Variants in GNAO1 observed in about 807,000 individuals in gnomAD.
GNAO1 encodes guanine nucleotide-binding protein G(o) subunit alpha.
For synonymous variants in GNAO1, 164 were observed against 180.7 expected (o/e 0.91, Z 0.74); for missense variants, 166 against 478.7 (o/e 0.35, Z 6.10).
chr16:56,299,821 G>A (rs1351097427), intron 3 of GNAO1, among the ~76,000 whole-genome samples: 2 of 152,148 alleles, frequency 1.3e-5, no homozygotes, highest in African/African-American at 4.8e-5. Flanking sequence ...CACTCTGCCT[G>A]GCTTATTACT....
intron 6 of GNAO1, among the ~76,000 whole-genome samples, chr16:56,350,473 G>A (rs568647750): frequency 3.9e-5 from 6 of 152,320 alleles, no homozygotes; most frequent in South Asian, 4.1e-4. Context: ...TGAGCTCAGC[G>A]CCCCAAAGCA....
intron 3 of GNAO1, among the ~76,000 whole-genome samples, chr16:56,285,831 G>T (rs1219446585): frequency 6.6e-6 from 1 of 152,214 alleles, no homozygotes; most frequent in Non-Finnish European, 1.5e-5. Flanking sequence ...CCTGTGCTGA[G>T]CACTGTAGCT....
chr16:56,196,168 G>A (rs1332850178), intron 2 of GNAO1, among the ~76,000 whole-genome samples: 1 of 151,966 alleles, frequency 6.6e-6, no homozygotes, highest in African/African-American at 2.4e-5. Context: ...TTGTGAATTC[G>A]TGTGAGGGAG....
intron 2 of GNAO1, among the ~76,000 whole-genome samples, chr16:56,202,649 G>A (rs1478475): frequency 0.082 from 12,539 of 152,256 alleles, 578 homozygotes; most frequent in African/African-American, 0.11. Flanking sequence ...CAGTAAGGAT[G>A]GGAAGTCTGT....
chr16:56,350,976 CAT>C (rs1418621453), intron 6 of GNAO1, among the ~76,000 whole-genome samples: 3 of 151,996 alleles, frequency 2.0e-5, no homozygotes, highest in African/African-American at 4.8e-5. Context: ...GGTGCACACA[CAT>C]AGGCACACAT....
At chr16:56,286,654 GTCTC>G (rs142417530) in intron 3 of GNAO1, among the ~76,000 whole-genome samples, 3 of 150,808 alleles carry the variant, frequency 2.0e-5, no homozygotes, top group Non-Finnish European at 3.0e-5. Context: ...AGTCCTGCAA[GTCTC>G]TCTCTCTCTC....
intron 3 of GNAO1, among the ~76,000 whole-genome samples, chr16:56,327,757 C>T (rs756699610): frequency 2.0e-5 from 3 of 151,954 alleles, no homozygotes; most frequent in Non-Finnish European, 4.4e-5. Flanking sequence ...TCAGCCTACA[C>T]GTGTGCACCT....
chr16:56,342,592 G>C (rs16956364), intron 6 of GNAO1, among the ~76,000 whole-genome samples: 1 of 152,202 alleles, frequency 6.6e-6, no homozygotes, highest in Non-Finnish European at 1.5e-5. Flanking sequence ...TGAGCCAGGC[G>C]GTTGTTAATC....
intron 2 of GNAO1, among the ~76,000 whole-genome samples, chr16:56,194,744 C>A (rs528397451): frequency 1.3e-5 from 2 of 152,336 alleles, no homozygotes; most frequent in South Asian, 4.1e-4. Context: ...TCCGCCAAAG[C>A]AACTGCTTTT....
At chr16:56,273,034 C>T (rs1463181370) in intron 2 of GNAO1, among the ~76,000 whole-genome samples, 6 of 152,178 alleles carry the variant, frequency 3.9e-5, no homozygotes, top group East Asian at 1.9e-4. Context: ...TTAGTATTTA[C>T]GCTAGAGTTT....
intron 3 of GNAO1, among the ~76,000 whole-genome samples, chr16:56,310,222 C>A (rs1244716071): frequency 3.3e-5 from 5 of 151,986 alleles, no homozygotes; most frequent in Non-Finnish European, 7.4e-5. Flanking sequence ...TAGGTACTCG[C>A]AGGAGGCTGA....
rs1349086204 is a variant in GNAO1, at chr16:56,356,972, G to C, written c.*898G>C. On this transcript the variant is annotated 3_prime_UTR_variant, in exon 9 of 9. Transcript: ENST00000262493. ...CCTCCCCACCCCTGCCTTTGTTTCG[G>C]TGCCCTGTGTCCGCTCTCTCATGTG... 6.7e-6 allele frequency: 1 copy of C among 150,140 alleles called. No individual in the cohort carries two copies. Among genetic ancestry groups the C allele is most frequent in the Non-Finnish European group, 1.5e-5 (1 of 67,680 alleles). The allele number at this position is 150,140 out of a possible 1,614,324, so 9.3% of individuals were successfully genotyped here. A position where few individuals can be genotyped will look rare whatever the true frequency, so the allele number is the denominator to read the frequency against.
chr16:56,203,071 A>C (rs1409333096), intron 2 of GNAO1, among the ~76,000 whole-genome samples: 5 of 152,198 alleles, frequency 3.3e-5, no homozygotes, highest in Non-Finnish European at 4.4e-5. Flanking sequence ...GACAAATTCA[A>C]TTCTCAAAGG....
intron 2 of GNAO1, among the ~76,000 whole-genome samples, chr16:56,242,943 C>T (rs1260233314): frequency 6.6e-6 from 1 of 152,166 alleles, no homozygotes; most frequent in Non-Finnish European, 1.5e-5. Context: ...CAGCCGCTCC[C>T]TATCGCTCAC....
chr16:56,284,650 A>G (rs2037147414), intron 3 of GNAO1, among the ~76,000 whole-genome samples: 1 of 151,850 alleles, frequency 6.6e-6, no homozygotes, highest in African/African-American at 2.4e-5. Context: ...AGCACACTCT[A>G]CTTCATGGTT....
In GNAO1 at chr16:56,354,766, TG is replaced by T; in HGVS notation, c.878-97del. The T allele has an allele frequency of 2.9e-6, 2 of 691,740 alleles. No homozygotes were observed. The highest frequency in any genetic ancestry group is 1.8e-5 in the South Asian group (1 of 55,436). The allele number at this position is 691,740 out of a possible 1,614,324, so 42.9% of individuals were successfully genotyped here. On this transcript the variant is annotated intron_variant, in intron 7 of 8. Coordinates refer to ENST00000262493, the MANE Select transcript of GNAO1 (RefSeq NM_020988.3). The surrounding 1 kb of genome is among the most constrained non-coding windows in gnomAD (Gnocchi z 4.3). ...TCCCTTCCTGTCTCATCCCACTTCCTGGGACACGCCACAACCCACTTCTTGT... is the reference window on the plus strand; with the variant it reads ...TCCCTTCCTGTCTCATCCCACTTCCTGGACACGCCACAACCCACTTCTTGT...
chr16:56,285,644 C>T (rs1320539231), intron 3 of GNAO1, among the ~76,000 whole-genome samples: 1 of 152,226 alleles, frequency 6.6e-6, no homozygotes, highest in African/African-American at 2.4e-5. Flanking sequence ...AAAACAAGGT[C>T]ACAAAATCGT....
chr16:56,228,576 T>A (rs1332507817), intron 2 of GNAO1, among the ~76,000 whole-genome samples: 1 of 152,174 alleles, frequency 6.6e-6, no homozygotes, highest in Non-Finnish European at 1.5e-5. Flanking sequence ...CCCCTATGGA[T>A]CCTGACTCAC....
At chr16:56,313,196 TG>T (rs751769692) in intron 3 of GNAO1, among the ~76,000 whole-genome samples, 11 of 152,206 alleles carry the variant, frequency 7.2e-5, no homozygotes, top group Non-Finnish European at 1.3e-4. Flanking sequence ...GCAGAACTTA[TG>T]AAGATATTAG....
Sources: gnomAD v4.1 joint callset for allele counts (sites outside exome capture counted in the v4.1 genomes callset) on GRCh38, gnomAD v4.1.1 for gene constraint, Gnocchi (gnomAD v3.1) non-coding constraint, MANE v1.5 for transcripts, NCBI Gene and HGNC (gene_info 2026-07-23, HGNC 2026-07-21) for gene names.